ASCC1: variants seen among roughly 807,000 people sequenced by gnomAD.
The protein encoded by ASCC1 is ASC-1 complex subunit P50.
Under a neutral mutation model 46.6 loss-of-function variants are expected in ASCC1, and 35 were observed. That is an observed-to-expected ratio of 0.75 (90% CI 0.57 to 0.99). The LOEUF (loss-of-function observed/expected upper bound fraction) is 0.99. ASCC1 is among the 50% of genes least tolerant of loss of function. ASCC1 has a pLI of 0.00. For synonymous variants in ASCC1, 143 were observed against 146.6 expected, an observed-to-expected ratio of 0.98 and a Z score of 0.18; for missense variants, 376 against 428.7, an observed-to-expected ratio of 0.88 and a Z score of 1.09.
At chr10:72,205,955 T>C (rs1307370017) in intron 3 of ASCC1, among the ~76,000 whole-genome samples, 2 of 151,068 alleles carry the variant, frequency 1.3e-5, no homozygotes, top group African/African-American at 2.4e-5. Context: ...AATACAAAAA[T>C]TACCCAGGCA....
At chr10:72,158,027 C>T (rs1290177610) in intron 6 of ASCC1, among the ~76,000 whole-genome samples, 2 of 152,044 alleles carry the variant, frequency 1.3e-5, no homozygotes, top group Non-Finnish European at 2.9e-5. Context: ...ACCTCAAATA[C>T]TTGGAATTAG....
intron 9 of ASCC1, among the ~76,000 whole-genome samples, chr10:72,105,122 A>C (rs1673534052): frequency 6.6e-6 from 1 of 152,198 alleles, no homozygotes; most frequent in Non-Finnish European, 1.5e-5. Context: ...GCCAGACAAG[A>C]GTTCAGGACC....
intron 5 of ASCC1, among the ~76,000 whole-genome samples, chr10:72,186,044 C>A (rs923271687): frequency 6.6e-6 from 1 of 152,020 alleles, no homozygotes; most frequent in Admixed American, 6.6e-5. Context: ...AACTAAGGTA[C>A]ATTCACAGAA....
At chr10:72,210,176 TAAGACTAAG>T (rs1857863123) in intron 3 of ASCC1, among the ~76,000 whole-genome samples, 1 of 150,878 alleles carries the variant, frequency 6.6e-6, no homozygotes, top group African/African-American at 2.4e-5. Flanking sequence ...TTTTTTTTTT[TAAGACTAAG>T]TTTCACTCTT....
intron 3 of ASCC1, among the ~76,000 whole-genome samples, chr10:72,204,212 A>G (rs1319611727): frequency 6.6e-6 from 1 of 152,142 alleles, no homozygotes; most frequent in Non-Finnish European, 1.5e-5. Flanking sequence ...TCGCACCACT[A>G]TACTCCAGCC....
intron 9 of ASCC1, among the ~76,000 whole-genome samples, chr10:72,111,947 T>C (rs1318520914): frequency 6.6e-6 from 1 of 152,210 alleles, no homozygotes; most frequent in Non-Finnish European, 1.5e-5. Context: ...AGGCCAAGCA[T>C]CATTTTTTAA....
intron 7 of ASCC1, among the ~76,000 whole-genome samples, chr10:72,147,155 T>C (rs1418822731): frequency 1.3e-5 from 2 of 151,298 alleles, no homozygotes; most frequent in Non-Finnish European, 1.5e-5. Context: ...GGAAGAGGAA[T>C]AGACAATAGA....
At chr10:72,171,121 T>A (rs2132841308) in intron 5 of ASCC1, among the ~76,000 whole-genome samples, 1 of 152,362 alleles carries the variant, frequency 6.6e-6, no homozygotes, top group South Asian at 2.1e-4. Flanking sequence ...TAAAGGATAC[T>A]ATTCTTTTCT....
intron 7 of ASCC1, among the ~76,000 whole-genome samples, chr10:72,136,379 G>A (rs912355333): frequency 3.9e-5 from 6 of 152,074 alleles, no homozygotes; most frequent in Non-Finnish European, 8.8e-5. Context: ...CTAGCTAAAG[G>A]ATTGTAAACG....
intron 5 of ASCC1, among the ~76,000 whole-genome samples, chr10:72,175,914 T>C (rs1445024500): frequency 6.6e-6 from 1 of 152,232 alleles, no homozygotes; most frequent in Non-Finnish European, 1.5e-5. Flanking sequence ...AGAGATCTGT[T>C]GCTGCTTCTT....
rs534959334 is a variant in ASCC1 at position 72,103,229 on chromosome 10, T to C, written c.958-5779A>G. Among the ~76,000 whole-genome samples, 3 of 150,662 alleles carry C rather than the reference T, an allele frequency of 2.0e-5. No individual in the cohort carries two copies. In the East Asian group the frequency reaches 6.0e-4, roughly 30 times the overall value. On this transcript the variant is annotated intron_variant, in intron 9 of 9. Coordinates refer to ENST00000672957, the MANE Select transcript of ASCC1 (RefSeq NM_001198800.3). Reference sequence around the variant, plus strand: ...CTCACTGCAAGCTCCACCTCCCGGGTTCATGCCATTCTCCTGCCTCAGCCT... The same window carrying C: ...CTCACTGCAAGCTCCACCTCCCGGGCTCATGCCATTCTCCTGCCTCAGCCT...
At position 72,213,572 on chromosome 10, in the gene ASCC1, C is replaced by T. The variant is rs12268049; in HGVS notation, c.-33-241G>A. On this transcript the variant is annotated intron_variant, in intron 1 of 9. Transcript: ENST00000672957. ...TTTGTAAACTATTTATCACCCCCCC[C>T]CCAAAAATGATTAAAAGGCATACAC... Among the ~76,000 whole-genome samples, 11,727 of 149,822 alleles carry T rather than the reference C, an allele frequency of 0.078. 1,233 individuals are homozygous for T. The highest frequency in any genetic ancestry group is 0.23 in the African/African-American group (9,351 of 40,382).
rs111305454 is a variant in ASCC1 at position 72,147,286 on chromosome 10, T to A, written c.746+5583A>T. On this transcript the variant is annotated intron_variant, in intron 7 of 9. Transcript: ENST00000672957. ...TTATTTTTTTTGTGATGGAGTTTCG[T>A]TCTGTTACCCAGGCTAGAGTGCTGT... is the stretch of plus-strand genomic sequence containing the variant. Among the ~76,000 whole-genome samples, 1,466 of 152,118 alleles carry A rather than the reference T, an allele frequency of 9.6e-3. 20 individuals are homozygous for A. The highest frequency in any genetic ancestry group is 0.034 in the African/African-American group (1,393 of 41,472).
chr10:72,152,828 G>A, intron 7 of ASCC1, 41 bp downstream of exon 7: 1 of 1,613,020 alleles, frequency 6.2e-7, no homozygotes, highest in Non-Finnish European at 8.5e-7. Context: ...ATGCTTTTAG[G>A]TACCTCTTGA....
At chr10:72,119,410 G>A (rs1176134658) in intron 9 of ASCC1, among the ~76,000 whole-genome samples, 1 of 152,158 alleles carries the variant, frequency 6.6e-6, no homozygotes, top group Non-Finnish European at 1.5e-5. Flanking sequence ...TCCACAGTGG[G>A]GAAGAGAAAT....
intron 5 of ASCC1, among the ~76,000 whole-genome samples, chr10:72,186,903 CAAA>C (rs774360944): frequency 1.8e-4 from 10 of 57,024 alleles, no homozygotes; most frequent in East Asian, 4.9e-4. Context: ...TGTCAGCAGC[CAAA>C]AAAAAAAAAA....
intron 6 of ASCC1, among the ~76,000 whole-genome samples, chr10:72,161,273 A>G (rs1849665075): frequency 6.6e-6 from 1 of 151,994 alleles, no homozygotes; most frequent in Non-Finnish European, 1.5e-5. Context: ...TTACTGTAAT[A>G]GACAGAATAA....
intron 9 of ASCC1, among the ~76,000 whole-genome samples, chr10:72,099,565 A>G (rs1439687698): frequency 6.6e-6 from 1 of 152,220 alleles, no homozygotes; most frequent in African/African-American, 2.4e-5. Context: ...TCATGCCTGT[A>G]ATCCCAGCAC....
chr10:72,135,964 T>C (rs1261247967), intron 7 of ASCC1, among the ~76,000 whole-genome samples: 4 of 152,198 alleles, frequency 2.6e-5, no homozygotes, highest in East Asian at 3.8e-4. Flanking sequence ...TCAGGCAGCA[T>C]TGGACTCTTA....
Sources: gnomAD v4.1 joint callset for allele counts (sites outside exome capture counted in the v4.1 genomes callset) on GRCh38, gnomAD v4.1.1 for gene constraint, MANE v1.5 for transcripts, NCBI Gene and HGNC (gene_info 2026-07-23, HGNC 2026-07-21) for gene names.